GLB1L3: variants seen among roughly 807,000 people sequenced by gnomAD.
GLB1L3 encodes the protein galactosidase beta 1 like 3.
GLB1L3 carries 89 observed loss-of-function variants against 89.5 expected under a neutral mutation model. The ratio of observed to expected loss-of-function variants is 0.99; its 90% CI spans 0.84 to 1.19. The LOEUF (loss-of-function observed/expected upper bound fraction) is 1.19, where lower values mean the gene tolerates loss of function less well. Ranked by LOEUF, GLB1L3 falls within the 50% of genes most tolerant of loss-of-function variation. The pLI is 0.00. For missense variants in GLB1L3, 812 were observed against 813.3 expected (o/e 1.00, Z 0.02); for synonymous variants, 314 against 312.3 (o/e 1.01, Z -0.06).
intron 8 of GLB1L3, chr11:134,292,786 G>C (rs919056236): frequency 2.5e-6 from 1 of 392,194 alleles, no homozygotes; most frequent in Admixed American, 4.3e-5. Flanking sequence ...CTGCCGTTCT[G>C]CCTCCTTAGT....
intron 6 of GLB1L3, among the ~76,000 whole-genome samples, chr11:134,286,426 T>C (rs1212369075): frequency 1.3e-5 from 2 of 152,222 alleles, no homozygotes; most frequent in Non-Finnish European, 2.9e-5. Context: ...TGTATGTGTC[T>C]GTTTGCATTT....
intron 6 of GLB1L3, among the ~76,000 whole-genome samples, 190 bp from the exon 7 acceptor site, chr11:134,288,608 G>A (rs1363457648): frequency 6.6e-6 from 1 of 152,152 alleles, no homozygotes; most frequent in Non-Finnish European, 1.5e-5. Flanking sequence ...CACTAGGGAA[G>A]GCGGCTCCCA....
intron 4 of GLB1L3, 67 bp downstream of exon 4, chr11:134,281,512 A>T: frequency 6.8e-7 from 1 of 1,474,924 alleles, no homozygotes; most frequent in Non-Finnish European, 9.4e-7. Context: ...CTGGGGGTGG[A>T]TTAGCAACCA....
chr11:134,301,407 A>G (rs933868422), intron 9 of GLB1L3, among the ~76,000 whole-genome samples: 5 of 152,106 alleles, frequency 3.3e-5, no homozygotes, highest in African/African-American at 4.8e-5. Flanking sequence ...TCAAACTAAA[A>G]TATAATGGCA....
chr11:134,295,797 A>G (rs974379594), intron 9 of GLB1L3, among the ~76,000 whole-genome samples: 1 of 152,022 alleles, frequency 6.6e-6, no homozygotes. Context: ...GCCAATTTTG[A>G]TGGGCTGTGT....
At chr11:134,285,841 A>G (rs1296394496) in intron 6 of GLB1L3, among the ~76,000 whole-genome samples, 2 of 151,954 alleles carry the variant, frequency 1.3e-5, no homozygotes, top group African/African-American at 4.8e-5. Flanking sequence ...TCTGTTTGGG[A>G]GTAAATATGG....
intron 7 of GLB1L3, among the ~76,000 whole-genome samples, chr11:134,290,789 G>T (rs535356672): frequency 6.6e-6 from 1 of 152,160 alleles, no homozygotes; most frequent in South Asian, 2.1e-4. Context: ...CAGCACCTGA[G>T]CTTGGTGAAT....
rs138027562 is a variant in GLB1L3, at chr11:134,300,613, C to T, written c.877-6511C>T. ...CCTCCCAAAGTGCTGGGATTACAGG[C>T]GTGAGCCACCGCGCCCGGCCCCTAT... On this transcript the variant is annotated intron_variant, in intron 9 of 19. Transcript: ENST00000431683. Among the ~76,000 whole-genome samples the T allele has an allele frequency of 7.9e-4, 120 of 152,196 alleles. 1 individual carries two copies. In the East Asian group the frequency reaches 0.021, roughly 27 times the overall value.
In GLB1L3 at chr11:134,313,585, A is replaced by G; in HGVS notation, c.1579+111A>G. ...GAAACCAGCCGCTCAGCAGTGGGCT[A>G]CCCAGGCCCTGGGAGCAGAGATGCA... On this transcript the variant is annotated intron_variant, in intron 16 of 19. Transcript: ENST00000431683. The G allele has an allele frequency of 1.1e-5, 10 of 946,950 alleles. No homozygotes were observed. In the South Asian group the frequency reaches 1.5e-4, roughly 14 times the overall value. The allele number at this position is 946,950 out of a possible 1,614,324, so 58.7% of individuals were successfully genotyped here.
intron 5 of GLB1L3, among the ~76,000 whole-genome samples, chr11:134,282,505 T>C (rs1350756886): frequency 6.6e-6 from 1 of 152,168 alleles, no homozygotes; most frequent in East Asian, 1.9e-4. Context: ...ACCAGAAGCT[T>C]TAAGGCCTGC....
intron 9 of GLB1L3, among the ~76,000 whole-genome samples, chr11:134,304,658 T>G (rs189848251): frequency 2.3e-3 from 347 of 152,304 alleles, no homozygotes; most frequent in African/African-American, 8.1e-3. Flanking sequence ...AAAATCTTTG[T>G]TAGGTAATAT....
chr11:134,312,354 C>G lies in GLB1L3; in HGVS notation c.1293C>G (p.Val431=), dbSNP rs1275753240. The G allele has an allele frequency of 1.9e-6, 3 of 1,613,502 alleles. No homozygotes were observed. Among genetic ancestry groups the G allele is most frequent in the Admixed American group, 1.7e-5 (1 of 60,022 alleles). Residue 431 remains valine, a synonymous_variant, in exon 14 of 20, where the codon GTC becomes GTG. Coordinates refer to ENST00000431683, the MANE Select transcript of GLB1L3 (RefSeq NM_001080407.3). Reference sequence around the variant, plus strand: ...CTTGCCATTTCTCCTCATAGCCAGTCAGGTCGCGTCAGCCCGTCAACATGG... The same window carrying G: ...CTTGCCATTTCTCCTCATAGCCAGTGAGGTCGCGTCAGCCCGTCAACATGG... ...WDALSYLNEP[V]RSRQPVNMEN...
chr11:134,321,497 T>A (rs1362551888), downstream of GLB1L3, among the ~76,000 whole-genome samples: 1 of 152,158 alleles, frequency 6.6e-6, no homozygotes, highest in Admixed American at 6.5e-5. Flanking sequence ...CTATTCACAG[T>A]AGCAAAGACT....
intron 9 of GLB1L3, among the ~76,000 whole-genome samples, chr11:134,302,537 C>T: frequency 6.6e-6 from 1 of 151,990 alleles, no homozygotes; most frequent in East Asian, 1.9e-4. Context: ...ATCTAATGAT[C>T]TTAAAGATTT....
chr11:134,311,084 C>T lies in GLB1L3; in HGVS notation c.1201C>T (p.Pro401Ser), dbSNP rs781228936. The part of the protein sequence containing the change: ...SVSATPLPRV[P>S]KLPPKAVYPP... ...TGCAGCAACTCCCCTGCCCCGAGTA[C>T]CCAAACTTCCTCCCAAGGCTGTGTA... Residue 401 changes from proline to serine, a missense_variant, in exon 13 of 20, where the codon CCC becomes TCC. Physicochemically the swap from Pro to Ser is moderately conservative, Grantham distance 74 (BLOSUM62 -1). This residue lies in a region of GLB1L3 where 618 missense variants were observed against 604.0 expected (regional missense o/e 1.02). Coordinates refer to ENST00000431683, the MANE Select transcript of GLB1L3 (RefSeq NM_001080407.3). 1.2e-6 allele frequency: 2 copies of T among 1,613,814 alleles called. No homozygotes were observed. Among genetic ancestry groups the T allele is most frequent in the Non-Finnish European group, 1.7e-6 (2 of 1,179,806 alleles).
chr11:134,281,143 C>G (rs1307776535), intron 3 of GLB1L3, among the ~76,000 whole-genome samples: 1 of 152,072 alleles, frequency 6.6e-6, no homozygotes, highest in Non-Finnish European at 1.5e-5. Context: ...ATATAAATCC[C>G]AAGAAACCCA....
intron 9 of GLB1L3, among the ~76,000 whole-genome samples, chr11:134,302,179 C>T (rs1941979396): frequency 6.6e-6 from 1 of 152,122 alleles, no homozygotes; most frequent in African/African-American, 2.4e-5. Flanking sequence ...ATTTCCAATC[C>T]TCAGCCCAGA....
In GLB1L3 at chr11:134,277,688, C is replaced by T. The variant is rs1275514863; in HGVS notation, c.150-12C>T. ...CCCTTTCCACTTTCTTTCCCTCGCC[C>T]GCCCCCTCCAGGTTTAATTGGTCTC... is the stretch of plus-strand genomic sequence containing the variant. On this transcript the variant is annotated splice_polypyrimidine_tract_variant and intron_variant, in intron 2 of 19. Transcript: ENST00000431683. 13 of 1,595,998 alleles carry T rather than the reference C, an allele frequency of 8.1e-6. No homozygotes were observed. The highest frequency in any genetic ancestry group is 1.3e-5 in the African/African-American group (1 of 74,426).
chr11:134,276,597 T>G lies in GLB1L3; in HGVS notation c.-144T>G. ...CCCGGCGCCCGCGCCTCGGGACGGA[T>G]TTCTGCCTCGGCTGCAGGCGCAGCG... is the stretch of plus-strand genomic sequence containing the variant. On this transcript the variant is annotated 5_prime_UTR_variant, in exon 1 of 20. Coordinates refer to ENST00000431683, the MANE Select transcript of GLB1L3 (RefSeq NM_001080407.3). The G allele has an allele frequency of 8.2e-6, 6 of 731,006 alleles. No individual in the cohort carries two copies. The highest frequency in any genetic ancestry group is 1.1e-5 in the Non-Finnish European group (6 of 531,800). The allele number at this position is 731,006 out of a possible 1,614,324, so 45.3% of individuals were successfully genotyped here.
Sources: gnomAD v4.1 joint callset for allele counts (sites outside exome capture counted in the v4.1 genomes callset) on GRCh38, gnomAD v4.1.1 for gene constraint, gnomAD v4.1.1 regional missense constraint, MANE v1.5 for transcripts, NCBI Gene and HGNC (gene_info 2026-07-23, HGNC 2026-07-21) for gene names.